Variants in FAF1 observed in about 807,000 individuals in gnomAD.
FAF1 encodes FAS-associated factor 1.
A neutral mutation model predicts 92.5 loss-of-function variants in FAF1; 25 were observed. The observed-to-expected ratio is 0.27, with a 90% CI of 0.20 to 0.38. The LOEUF is 0.38. FAF1 is among the 10% of genes least tolerant of loss of function. FAF1 has a pLI of 1.00. For synonymous variants in FAF1, 234 were observed against 273.2 expected (o/e 0.86, Z 1.42); for missense variants, 636 against 793.3 (o/e 0.80, Z 2.38).
intron 7 of FAF1, among the ~76,000 whole-genome samples, chr1:50,693,285 T>C (rs763420803): frequency 1.3e-5 from 2 of 152,178 alleles, no homozygotes; most frequent in Non-Finnish European, 2.9e-5. Context: ...TGTAGATATC[T>C]AGTTGTCCCA....
At chr1:50,589,325 G>A (rs550060525) in intron 9 of FAF1, among the ~76,000 whole-genome samples, 4 of 152,142 alleles carry the variant, frequency 2.6e-5, no homozygotes, top group African/African-American at 9.6e-5. Flanking sequence ...CAGGTGCTTA[G>A]GCACCTGAAA....
At chr1:50,544,549 A>T (rs1183272450) in intron 13 of FAF1, among the ~76,000 whole-genome samples, 1 of 152,228 alleles carries the variant, frequency 6.6e-6, no homozygotes, top group African/African-American at 2.4e-5. Context: ...TTCTTAAAAG[A>T]AATCATCATA....
At chr1:50,807,756 A>C (rs1236136141) in intron 2 of FAF1, among the ~76,000 whole-genome samples, 1 of 152,212 alleles carries the variant, frequency 6.6e-6, no homozygotes, top group Non-Finnish European at 1.5e-5. Context: ...GCCTCCAAGA[A>C]ATATGGGATT....
intron 15 of FAF1, among the ~76,000 whole-genome samples, chr1:50,497,633 C>T (rs1257528580): frequency 1.4e-5 from 2 of 145,680 alleles, no homozygotes; most frequent in Non-Finnish European, 3.0e-5. Flanking sequence ...ATTGCAACCT[C>T]CACCCCCCCA....
intron 13 of FAF1, among the ~76,000 whole-genome samples, chr1:50,543,966 A>G (rs1648879995): frequency 6.6e-6 from 1 of 152,200 alleles, no homozygotes; most frequent in African/African-American, 2.4e-5. Context: ...CCATGTGGAA[A>G]GGGCATCCTC....
At position 50,597,280 on chromosome 1, in the gene FAF1, A is replaced by G. The variant is rs142029735; in HGVS notation, c.745-1064T>C. Among the ~76,000 whole-genome samples, 76 of 152,314 alleles carry G rather than the reference A, an allele frequency of 5.0e-4. No homozygotes were observed. In the East Asian group the frequency reaches 0.014, roughly 27 times the overall value. The stretch of plus-strand genomic sequence containing the variant: ...ACACCTTCCTCACCTAGACTGTTCC[A>G]TGAGAGAAGCCCACTGTCACCTTAT... On this transcript the variant is annotated intron_variant, in intron 8 of 18. Transcript: ENST00000396153.
chr1:50,720,345 A>G (rs371133021), intron 6 of FAF1, among the ~76,000 whole-genome samples: 3 of 152,188 alleles, frequency 2.0e-5, no homozygotes, highest in East Asian at 1.9e-4. Flanking sequence ...AAATCTAACA[A>G]TGATGCTCAC....
intron 1 of FAF1, among the ~76,000 whole-genome samples, chr1:50,951,574 A>C (rs986221537): frequency 6.6e-6 from 1 of 152,226 alleles, no homozygotes; most frequent in African/African-American, 2.4e-5. Context: ...AGTGGTCTGA[A>C]TCCAAAGTCC....
intron 8 of FAF1, among the ~76,000 whole-genome samples, chr1:50,648,542 T>C (rs1177096169): frequency 6.6e-6 from 1 of 152,214 alleles, no homozygotes; most frequent in Non-Finnish European, 1.5e-5. Context: ...ATGAAGGGTT[T>C]TGAATGCCAG....
At chr1:50,479,613 T>G (rs527313581) in intron 17 of FAF1, among the ~76,000 whole-genome samples, 3 of 152,376 alleles carry the variant, frequency 2.0e-5, no homozygotes, top group African/African-American at 7.2e-5. Context: ...TTAATCCACC[T>G]GTCTGCTTGC....
intron 2 of FAF1, among the ~76,000 whole-genome samples, chr1:50,835,165 A>G (rs1438147671): frequency 6.6e-6 from 1 of 152,208 alleles, no homozygotes; most frequent in African/African-American, 2.4e-5. Flanking sequence ...TTTTCATTCT[A>G]TCAATGAAGA....
At chr1:50,501,681 GACTA>G (rs967705721) in intron 15 of FAF1, among the ~76,000 whole-genome samples, 3 of 149,364 alleles carry the variant, frequency 2.0e-5, no homozygotes, top group Admixed American at 6.7e-5. Context: ...AAAAAGAAAA[GACTA>G]ACTATACAAA....
rs117509722 is a variant in FAF1 at position 50,597,245 on chromosome 1, T to G, written c.745-1029A>C. 1.3e-3 allele frequency among the ~76,000 whole-genome samples: 193 copies of G among 152,300 alleles called. 4 individuals are homozygous for G. In the East Asian group the frequency reaches 0.025, roughly 20 times the overall value. On this transcript the variant is annotated intron_variant, in intron 8 of 18. Transcript: ENST00000396153. Reference sequence around the variant, plus strand: ...AAGGATGGACTCTAGAAAACATGACTTTAGCAGAAACACCTTCCTCACCTA... The same window carrying G: ...AAGGATGGACTCTAGAAAACATGACGTTAGCAGAAACACCTTCCTCACCTA...
At chr1:50,663,575 G>C (rs192044087) in intron 7 of FAF1, among the ~76,000 whole-genome samples, 15 of 151,412 alleles carry the variant, frequency 9.9e-5, no homozygotes, top group Non-Finnish European at 2.2e-4. Flanking sequence ...GCTAATTTTT[G>C]TATTTTTTTA....
At chr1:50,833,011 T>C (rs753177037) in intron 2 of FAF1, among the ~76,000 whole-genome samples, 8 of 149,752 alleles carry the variant, frequency 5.3e-5, no homozygotes, top group Non-Finnish European at 1.2e-4. Flanking sequence ...CATGCTGTTA[T>C]GGCCTTTTTT....
chr1:50,854,032 G>C (rs896110111), intron 2 of FAF1, among the ~76,000 whole-genome samples: 2 of 151,918 alleles, frequency 1.3e-5, no homozygotes, highest in African/African-American at 4.8e-5. Context: ...TTAGAGAGAA[G>C]TAACTTAGCC....
At chr1:50,873,475 A>G (rs1644545283) in intron 1 of FAF1, among the ~76,000 whole-genome samples, 1 of 152,156 alleles carries the variant, frequency 6.6e-6, no homozygotes. Context: ...CCTTCCTTGT[A>G]TGACAAGACA....
At chr1:50,704,988 ATCCAAGAT>A (rs1188234000) in intron 7 of FAF1, among the ~76,000 whole-genome samples, 3 of 152,246 alleles carry the variant, frequency 2.0e-5, no homozygotes, top group Non-Finnish European at 4.4e-5. Context: ...TTATAAAATA[ATCCAAGAT>A]TAAGCATGAT....
chr1:50,597,290 C>A (rs1651867215), intron 8 of FAF1, among the ~76,000 whole-genome samples: 1 of 152,136 alleles, frequency 6.6e-6, no homozygotes, highest in South Asian at 2.1e-4. Context: ...ATGAGAGAAG[C>A]CCACTGTCAC....
Sources: gnomAD v4.1 joint callset for allele counts (sites outside exome capture counted in the v4.1 genomes callset) on GRCh38, gnomAD v4.1.1 for gene constraint, MANE v1.5 for transcripts, NCBI Gene and HGNC (gene_info 2026-07-23, HGNC 2026-07-21) for gene names.